KCNIP1: variants seen among roughly 807,000 people sequenced by gnomAD.
KCNIP1 encodes A-type potassium channel modulatory protein KCNIP1.
A neutral mutation model predicts 33.0 loss-of-function variants in KCNIP1; 18 were observed. The ratio of observed to expected loss-of-function variants is 0.55; its 90% CI spans 0.38 to 0.81. The LOEUF (loss-of-function observed/expected upper bound fraction) is 0.81. Among genes scored for constraint, KCNIP1 ranks in the 30% least tolerant of loss-of-function variants. KCNIP1 has a pLI of 0.00. For synonymous variants in KCNIP1, 93 were observed against 98.3 expected, an observed-to-expected ratio of 0.95 and a Z score of 0.32; for missense variants, 238 against 271.6, an observed-to-expected ratio of 0.88 and a Z score of 0.87.
chr5:170,687,731 C>T (rs1016315243), intron 1 of KCNIP1, among the ~76,000 whole-genome samples: 7 of 152,226 alleles, frequency 4.6e-5, no homozygotes, highest in African/African-American at 1.7e-4. Flanking sequence ...AACCCCAACA[C>T]TGTCTTTTGC....
rs1246207837 is a variant in KCNIP1 at position 170,599,637 on chromosome 5, G to A, written c.61+95004G>A. Among the ~76,000 whole-genome samples the A allele has an allele frequency of 1.1e-4, 5 of 46,588 alleles. No individual in the cohort carries two copies. The South Asian group carries it at 3.2e-3, about 30-fold the overall frequency. The allele number at this position is 46,588 out of a possible 152,430, so 30.6% of individuals were successfully genotyped here. A position where few individuals can be genotyped will look rare whatever the true frequency, so the allele number is the denominator to read the frequency against. On this transcript the variant is annotated intron_variant, in intron 1 of 7. Coordinates refer to ENST00000328939, the MANE Select transcript of KCNIP1 (RefSeq NM_014592.4). ...GCACGGGAGTGTGATGGACCTAGGG[G>A]TGGGGAAGAGCGAGAAGTTCCCGTG...
At chr5:170,551,702 G>A (rs1373330237) in intron 1 of KCNIP1, among the ~76,000 whole-genome samples, 1 of 151,654 alleles carries the variant, frequency 6.6e-6, no homozygotes, top group East Asian at 1.9e-4. Flanking sequence ...GTGTATGTGT[G>A]GCGTGTGACT....
intron 1 of KCNIP1, among the ~76,000 whole-genome samples, chr5:170,469,261 G>A (rs1756672975): frequency 6.6e-6 from 1 of 152,024 alleles, no homozygotes; most frequent in Admixed American, 6.5e-5. Context: ...TGAGCATGGT[G>A]GTGTACACCT....
At chr5:170,451,698 G>A (rs1756254019) in intron 1 of KCNIP1, among the ~76,000 whole-genome samples, 1 of 148,206 alleles carries the variant, frequency 6.7e-6, no homozygotes, top group Non-Finnish European at 1.5e-5. Context: ...ATGTTTTCCG[G>A]ACAGTTGCTT....
intron 1 of KCNIP1, among the ~76,000 whole-genome samples, chr5:170,417,759 A>G (rs529251073): frequency 3.9e-5 from 6 of 152,308 alleles, no homozygotes; most frequent in African/African-American, 1.4e-4. Flanking sequence ...CTGAACATAG[A>G]GTAGCATCTG....
intron 1 of KCNIP1, among the ~76,000 whole-genome samples, chr5:170,653,135 A>G (rs1195032857): frequency 1.3e-5 from 2 of 152,212 alleles, no homozygotes; most frequent in Non-Finnish European, 2.9e-5. Flanking sequence ...GCAGACAGCG[A>G]TTGGAGAAAA....
chr5:170,701,140 CCCAA>C (rs1214869300), intron 1 of KCNIP1, among the ~76,000 whole-genome samples: 8 of 152,156 alleles, frequency 5.3e-5, no homozygotes, highest in African/African-American at 1.7e-4. Flanking sequence ...GCCTCCTCCT[CCCAA>C]CTTCCCTACC....
intron 1 of KCNIP1, among the ~76,000 whole-genome samples, chr5:170,432,249 C>T (rs1431642362): frequency 6.6e-6 from 1 of 152,194 alleles, no homozygotes; most frequent in African/African-American, 2.4e-5. Context: ...CCTTCCTGCA[C>T]TCATTTATAT....
chr5:170,482,941 C>A (rs1757006737), intron 1 of KCNIP1: 1 of 360,326 alleles, frequency 2.8e-6, no homozygotes, highest in African/African-American at 2.2e-5. Context: ...TCTGGTCTTT[C>A]AGTATTTCAA....
chr5:170,396,577 T>G (rs1000730726), intron 1 of KCNIP1, among the ~76,000 whole-genome samples: 1 of 152,210 alleles, frequency 6.6e-6, no homozygotes, highest in African/African-American at 2.4e-5. Context: ...GCAGGACATC[T>G]CAAATGGGGA....
At chr5:170,462,177 A>C (rs1439587110) in intron 1 of KCNIP1, among the ~76,000 whole-genome samples, 1 of 150,150 alleles carries the variant, frequency 6.7e-6, no homozygotes, top group East Asian at 2.0e-4. Context: ...TAAACAGACA[A>C]CCCAGAGAGT....
intron 1 of KCNIP1, among the ~76,000 whole-genome samples, chr5:170,364,366 T>C (rs543423294): frequency 2.0e-5 from 3 of 152,354 alleles, no homozygotes; most frequent in African/African-American, 7.2e-5. Context: ...CCTTCCTTTT[T>C]AAGTTTGAAC....
At chr5:170,601,718 A>T (rs540092308) in intron 1 of KCNIP1, among the ~76,000 whole-genome samples, 2 of 152,366 alleles carry the variant, frequency 1.3e-5, no homozygotes, top group East Asian at 3.9e-4. Context: ...GCCAGATCCC[A>T]TTCCTGTGCT....
chr5:170,588,996 CT>C (rs67130531), intron 1 of KCNIP1, among the ~76,000 whole-genome samples: 657 of 117,366 alleles, frequency 5.6e-3, no homozygotes, highest in African/African-American at 0.01. Context: ...ATACTTACTT[CT>C]TTTTTTTTTT....
intron 1 of KCNIP1, among the ~76,000 whole-genome samples, chr5:170,564,584 G>A (rs558609516): frequency 2.4e-4 from 37 of 152,256 alleles, no homozygotes; most frequent in South Asian, 6.2e-4. Context: ...CAGGGATGTG[G>A]CCCGTGATCT....
chr5:170,712,540 A>T (rs912198880), intron 1 of KCNIP1, among the ~76,000 whole-genome samples: 1 of 152,190 alleles, frequency 6.6e-6, no homozygotes. Context: ...GTTTCCAAGG[A>T]CCCATCCAAC....
intron 1 of KCNIP1, among the ~76,000 whole-genome samples, chr5:170,396,058 A>G (rs925636315): frequency 6.6e-6 from 1 of 152,204 alleles, no homozygotes; most frequent in African/African-American, 2.4e-5. Context: ...TCTACAAACA[A>G]TACACATCAG....
At position 170,489,278 on chromosome 5, in the gene KCNIP1, T is replaced by G. The variant is rs1051742033; in HGVS notation, c.88+135314T>G. Among the ~76,000 whole-genome samples, 1 of 152,200 alleles carries G rather than the reference T, an allele frequency of 6.6e-6. No individual in the cohort carries two copies. The highest frequency in any genetic ancestry group is 1.5e-5 in the Non-Finnish European group (1 of 68,044). The stretch of plus-strand genomic sequence containing the variant: ...GGCAGAAACAGACAGAAATTTCCCT[T>G]GAGAAGGAGAAAGCCATGCTATAGG... On this transcript the variant is annotated intron_variant, in intron 1 of 7. Coordinates refer to the KCNIP1 transcript ENST00000377360. The surrounding 1 kb of genome is among the most constrained non-coding windows in gnomAD (Gnocchi z 4.3).
At chr5:170,699,568 A>C (rs1763021785) in intron 1 of KCNIP1, among the ~76,000 whole-genome samples, 1 of 151,966 alleles carries the variant, frequency 6.6e-6, no homozygotes, top group Non-Finnish European at 1.5e-5. Context: ...AAAAAAAAAA[A>C]AAAAAAAAAA....
Sources: allele counts gnomAD v4.1 joint callset (sites outside exome capture counted in the v4.1 genomes callset), GRCh38; gene constraint gnomAD v4.1.1; non-coding constraint Gnocchi (gnomAD v3.1); transcripts MANE v1.5; gene names NCBI Gene and HGNC (gene_info 2026-07-23, HGNC 2026-07-21).